Variants in NR6A1 observed in about 807,000 individuals in gnomAD.
The protein encoded by NR6A1 is retinoic acid receptor-related testis-associated receptor.
Under a neutral mutation model 59.1 loss-of-function variants are expected in NR6A1, and 7 were observed. The observed-to-expected ratio is 0.12, with a 90% CI of 0.07 to 0.22. The LOEUF is 0.22. Ranked by LOEUF, NR6A1 falls within the 10% of genes least tolerant of loss-of-function variation. The pLI is 1.00. For missense variants in NR6A1, 468 were observed against 611.6 expected, an observed-to-expected ratio of 0.77 and a Z score of 2.48; for synonymous variants, 243 against 236.1, an observed-to-expected ratio of 1.03 and a Z score of -0.27.
intron 2 of NR6A1, 42 bp from the exon 3 acceptor site, chr9:124,554,612 T>C: frequency 6.2e-7 from 1 of 1,612,876 alleles, no homozygotes; most frequent in East Asian, 2.2e-5. Context: ...ATAATGGCTT[T>C]AAGCCTACAG....
At chr9:124,550,694 CATTTAT>C (rs1036044240) in intron 3 of NR6A1, among the ~76,000 whole-genome samples, 1 of 151,672 alleles carries the variant, frequency 6.6e-6, no homozygotes, top group Non-Finnish European at 1.5e-5. Flanking sequence ...ATTCCTTCTA[CATTTAT>C]ATTTATATTT....
chr9:124,717,869 G>A (rs1209656829), intron 2 of NR6A1, among the ~76,000 whole-genome samples: 1 of 152,210 alleles, frequency 6.6e-6, no homozygotes. Flanking sequence ...TAACCTTGTA[G>A]AGCTGCCAGG....
chr9:124,688,378 T>A (rs1838411683), intron 2 of NR6A1, among the ~76,000 whole-genome samples: 1 of 151,980 alleles, frequency 6.6e-6, no homozygotes. Context: ...TCTCAGAATA[T>A]CTTATTGTAC....
intron 2 of NR6A1, among the ~76,000 whole-genome samples, chr9:124,731,543 C>T (rs1032044561): frequency 6.6e-5 from 10 of 152,112 alleles, no homozygotes; most frequent in Non-Finnish European, 2.9e-5. Context: ...AAAAGTTATA[C>T]CAGGTGTGCC....
At chr9:124,565,707 T>C (rs899674706) in intron 2 of NR6A1, among the ~76,000 whole-genome samples, 4 of 152,158 alleles carry the variant, frequency 2.6e-5, no homozygotes, top group Admixed American at 6.5e-5. Flanking sequence ...AGCCACATAA[T>C]CAATAAACTT....
chr9:124,621,288 T>G (rs183795191), intron 2 of NR6A1, among the ~76,000 whole-genome samples: 1 of 152,298 alleles, frequency 6.6e-6, no homozygotes, highest in Non-Finnish European at 1.5e-5. Flanking sequence ...ATGCATAGAT[T>G]CCCTGACACA....
intron 1 of NR6A1, among the ~76,000 whole-genome samples, chr9:124,750,961 C>G (rs1463591346): frequency 6.6e-6 from 1 of 152,188 alleles, no homozygotes; most frequent in Non-Finnish European, 1.5e-5. Flanking sequence ...TTTGTATCCT[C>G]TACCAGAAGC....
At chr9:124,541,728 C>T (rs951422705) in intron 4 of NR6A1, among the ~76,000 whole-genome samples, 1 of 152,240 alleles carries the variant, frequency 6.6e-6, no homozygotes, top group African/African-American at 2.4e-5. Flanking sequence ...GATATCTGCA[C>T]TCCCACGTTC....
At chr9:124,623,217 C>T (rs569038521) in intron 2 of NR6A1, among the ~76,000 whole-genome samples, 2 of 152,116 alleles carry the variant, frequency 1.3e-5, no homozygotes, top group South Asian at 4.2e-4. Context: ...GGTGTCAAGA[C>T]TTGATCTTTG....
chr9:124,528,717 CA>C (rs1223303690), intron 7 of NR6A1, among the ~76,000 whole-genome samples: 1 of 150,934 alleles, frequency 6.6e-6, no homozygotes, highest in Non-Finnish European at 1.5e-5. Flanking sequence ...AAAAATAAAA[CA>C]AAAAACCAAA....
intron 8 of NR6A1, among the ~76,000 whole-genome samples, chr9:124,526,475 C>G (rs1159939720): frequency 2.0e-5 from 3 of 152,110 alleles, no homozygotes; most frequent in East Asian, 1.9e-4. Flanking sequence ...TCCTTGGTGT[C>G]TGTGTGCAAA....
At chr9:124,550,609 C>T (rs1053453272) in intron 3 of NR6A1, among the ~76,000 whole-genome samples, 34 of 152,014 alleles carry the variant, frequency 2.2e-4, no homozygotes, top group Admixed American at 5.9e-4. Flanking sequence ...CCACCTGCTC[C>T]GGCCTCCCAA....
chr9:124,546,258 G>A (rs1025491423), intron 3 of NR6A1, among the ~76,000 whole-genome samples: 3 of 152,146 alleles, frequency 2.0e-5, no homozygotes, highest in Non-Finnish European at 4.4e-5. Context: ...TTGAACAGAT[G>A]GATCTAAGGC....
In NR6A1 at chr9:124,540,086, C is replaced by T. The variant is rs371679767; in HGVS notation, c.543G>A (p.Gly181=). 3 of 1,613,432 alleles carry T rather than the reference C, an allele frequency of 1.9e-6. No homozygotes were observed. Among genetic ancestry groups the T allele is most frequent in the Non-Finnish European group, 1.7e-6 (2 of 1,179,856 alleles). ...NHGDSDHSSP[G]NRASESNQPS... ...GCTGGTTGCTCTCCGAAGCCCTGTT[C>T]CCAGGGGAACTGTGGTCACTATCAC... The change falls in exon 5 of 10, where the codon GGG becomes GGA. Residue 181 remains glycine, a synonymous_variant. Coordinates refer to ENST00000487099, the MANE Select transcript of NR6A1 (RefSeq NM_033334.4).
chr9:124,558,446 C>T (rs909085777), intron 2 of NR6A1, among the ~76,000 whole-genome samples: 1 of 151,782 alleles, frequency 6.6e-6, no homozygotes, highest in African/African-American at 2.4e-5. Context: ...CTCAGTGGTA[C>T]AAAAGAAAGG....
intron 2 of NR6A1, among the ~76,000 whole-genome samples, chr9:124,679,270 T>A (rs923326627): frequency 1.3e-5 from 2 of 152,204 alleles, no homozygotes; most frequent in Non-Finnish European, 2.9e-5. Context: ...ACATCGATAA[T>A]CACCTGCCAA....
intron 1 of NR6A1, among the ~76,000 whole-genome samples, chr9:124,750,131 G>A (rs1005315984): frequency 7.2e-5 from 11 of 152,168 alleles, no homozygotes; most frequent in African/African-American, 2.7e-4. Context: ...TAGACACATT[G>A]GTTACTTTCA....
chr9:124,576,850 A>C (rs1475665428), intron 2 of NR6A1, among the ~76,000 whole-genome samples: 5 of 152,262 alleles, frequency 3.3e-5, no homozygotes, highest in African/African-American at 1.2e-4. Context: ...CGAGCTCAGG[A>C]GTTTGAGACC....
At chr9:124,649,670 C>T (rs555617781) in intron 2 of NR6A1, among the ~76,000 whole-genome samples, 11 of 151,878 alleles carry the variant, frequency 7.2e-5, no homozygotes, top group Non-Finnish European at 1.3e-4. Flanking sequence ...AAAGAGATAA[C>T]CTAAAGAATG....
Sources: allele counts gnomAD v4.1 joint callset (sites outside exome capture counted in the v4.1 genomes callset), GRCh38; gene constraint gnomAD v4.1.1; transcripts MANE v1.5; gene names NCBI Gene and HGNC (gene_info 2026-07-23, HGNC 2026-07-21).